Variants in OR4S2 observed in about 807,000 individuals in gnomAD.
The protein encoded by OR4S2 is olfactory receptor 4S2.
Under a neutral mutation model 15.1 loss-of-function variants are expected in OR4S2, and 16 were observed. The observed-to-expected ratio is 1.06, with a 90% CI of 0.72 to 1.61. The LOEUF (loss-of-function observed/expected upper bound fraction) is 1.61, where lower values mean the gene tolerates loss of function less well. OR4S2 is among the 40% of genes most tolerant of loss of function. OR4S2 has a pLI of 0.00. For synonymous variants in OR4S2, 133 were observed against 136.3 expected (o/e 0.98, Z 0.17); for missense variants, 362 against 379.6 (o/e 0.95, Z 0.38).
intron 1 of OR4S2, among the ~76,000 whole-genome samples, chr11:55,649,111 C>T (rs1190049356): frequency 7.3e-6 from 1 of 137,848 alleles, no homozygotes; most frequent in Non-Finnish European, 1.6e-5. Context: ...GAGAGCAAAG[C>T]AACATAAATA....
chr11:55,652,538 C>CA lies in OR4S2; in HGVS notation c.*701dup, dbSNP rs1215326923. ...TCAGTCTTTCAAAAGAATAAACCTC[C>CA]AATCTTTTGTGAAGTAATATAGAGG... On this transcript the variant is annotated 3_prime_UTR_variant, in exon 2 of 2. Coordinates refer to ENST00000641692, the MANE Select transcript of OR4S2 (RefSeq NM_001004059.3). 7.2e-6 allele frequency: 1 copy of CA among 138,996 alleles called. No homozygotes were observed. The highest frequency in any genetic ancestry group is 1.6e-5 in the Non-Finnish European group (1 of 62,486). The allele number at this position is 138,996 out of a possible 1,614,324, so 8.6% of individuals were successfully genotyped here.
In OR4S2 at chr11:55,651,032, C is replaced by G. The variant is rs199957583; in HGVS notation, c.129C>G (p.Ile43Met). Residue 43 changes from isoleucine (I) to methionine (M), a missense_variant, in exon 2 of 2, where the codon ATC becomes ATG. Transcript: ENST00000641692. ...TCATTCTTCTGGGAAATCTCCTCATCATGCTGACAGTTTGCCTGAGCAACC... is the reference window on the plus strand; with the variant it reads ...TCATTCTTCTGGGAAATCTCCTCATGATGCTGACAGTTTGCCTGAGCAACC... The part of the protein sequence containing the change: ...YIIILLGNLL[I>M]MLTVCLSNLF... The G allele has an allele frequency of 1.8e-4, 267 of 1,469,408 alleles. 53 individuals carry two copies. Among genetic ancestry groups the G allele is most frequent in the African/African-American group, 6.1e-4 (44 of 72,508 alleles). 91.0% of individuals were successfully genotyped at this position (1,469,408 alleles called of 1,614,324 possible). A position where few individuals can be genotyped will look rare whatever the true frequency, so the allele number is the denominator to read the frequency against.
At position 55,651,519 on chromosome 11, in the gene OR4S2, C is replaced by T; in HGVS notation, c.616C>T (p.Leu206=). The change falls in exon 2 of 2, where the codon CTG becomes TTG. Residue 206 remains leucine (L), a synonymous_variant. Transcript: ENST00000641692. The part of the protein sequence containing the change: ...VVTANSGTIA[L]GSFVILLISY... ...GACAGCCAACAGTGGTACCATTGCT[C>T]TGGGGAGTTTTGTTATCTTGCTAAT... 1 of 1,489,730 alleles carries T rather than the reference C, an allele frequency of 6.7e-7. No homozygotes were observed. The highest frequency in any genetic ancestry group is 1.2e-5 in the South Asian group (1 of 84,792). The allele number at this position is 1,489,730 out of a possible 1,614,324, so 92.3% of individuals were successfully genotyped here.
intron 1 of OR4S2, 90 bp from the exon 2 acceptor site, chr11:55,650,778 T>G (rs2120200754): frequency 3.7e-6 from 2 of 541,844 alleles, no homozygotes; most frequent in African/African-American, 1.9e-5. Flanking sequence ...CAATCAGCAT[T>G]TTTTCCTCTT....
rs777211314 is a variant in OR4S2, at chr11:55,650,930, A to G, written c.27A>G (p.Glu9=). MEKINNVT[E]FIFWGLSQSP... Reference sequence around the variant, plus strand: ...TGGAAAAAATAAACAACGTAACTGAATTCATTTTCTGGGGTCTTTCTCAGA... The same window carrying G: ...TGGAAAAAATAAACAACGTAACTGAGTTCATTTTCTGGGGTCTTTCTCAGA... The change falls in exon 2 of 2, where the codon GAA becomes GAG. Residue 9 remains glutamate (E), a synonymous_variant. Coordinates refer to ENST00000641692, the MANE Select transcript of OR4S2 (RefSeq NM_001004059.3). 1 of 1,439,770 alleles carries G rather than the reference A, an allele frequency of 6.9e-7. No homozygotes were observed. The highest frequency in any genetic ancestry group is 9.5e-7 in the Non-Finnish European group (1 of 1,052,044). The allele number at this position is 1,439,770 out of a possible 1,614,324, so 89.2% of individuals were successfully genotyped here.
chr11:55,651,862 G>A lies in OR4S2; in HGVS notation c.*23G>A, dbSNP rs747472469. ...TAGTTGGACTTAATAATTTAAGCTA[G>A]ATGACCTTAAAATTTCTCAGCCTTG... On this transcript the variant is annotated 3_prime_UTR_variant, in exon 2 of 2. Transcript: ENST00000641692. 6 of 1,174,630 alleles carry A rather than the reference G, an allele frequency of 5.1e-6. 1 individual carries two copies. Among genetic ancestry groups the A allele is most frequent in the East Asian group, 2.7e-5 (1 of 36,820 alleles). The allele number at this position is 1,174,630 out of a possible 1,614,324, so 72.8% of individuals were successfully genotyped here.
chr11:55,650,594 A>G lies in OR4S2; in HGVS notation c.-36-274A>G, dbSNP rs542288043. 2.2e-5 allele frequency among the ~76,000 whole-genome samples: 3 copies of G among 139,132 alleles called. 1 individual carries two copies. The highest frequency in any genetic ancestry group is 2.3e-4 in the South Asian group (1 of 4,276). 91.3% of individuals were successfully genotyped at this position (139,132 alleles called of 152,430 possible). On this transcript the variant is annotated intron_variant, in intron 1 of 1. Transcript: ENST00000641692. ...AAATAAAGTTTAGAAACAGCTAAAT[A>G]AACATTAATAAAAGGTGAGAGAAGA...
At chr11:55,648,904 A>T (rs1858530274) in intron 1 of OR4S2, among the ~76,000 whole-genome samples, 1 of 138,148 alleles carries the variant, frequency 7.2e-6, no homozygotes, top group Non-Finnish European at 1.6e-5. Context: ...GCCATGATTC[A>T]GAAGGTTAAC....
In OR4S2 at chr11:55,650,809, G is replaced by A. The variant is rs139342090; in HGVS notation, c.-36-59G>A. ...CTCTTTTGATCTACTGTGATTTTCC[G>A]TTGGTTCTGCGTTAGAAATAAAATA... On this transcript the variant is annotated intron_variant, in intron 1 of 1. Transcript: ENST00000641692. 74 of 621,334 alleles carry A rather than the reference G, an allele frequency of 1.2e-4. 17 individuals carry two copies. The highest frequency in any genetic ancestry group is 1.6e-4 in the East Asian group (5 of 31,386). 38.5% of individuals were successfully genotyped at this position (621,334 alleles called of 1,614,324 possible). A position where few individuals can be genotyped will look rare whatever the true frequency, so the allele number is the denominator to read the frequency against.
At chr11:55,650,495 A>G (rs1208388221) in intron 1 of OR4S2, among the ~76,000 whole-genome samples, 1 of 139,240 alleles carries the variant, frequency 7.2e-6, no homozygotes, top group Non-Finnish European at 1.6e-5. Flanking sequence ...TTGCCAGTAG[A>G]TAACATAGAT....
intron 1 of OR4S2, among the ~76,000 whole-genome samples, chr11:55,648,857 C>G (rs1228280103): frequency 7.3e-6 from 1 of 137,526 alleles, no homozygotes; most frequent in Non-Finnish European, 1.6e-5. Flanking sequence ...AGGAGAGAAA[C>G]AGCAAGATGT....
rs867060053 is a variant in OR4S2, at chr11:55,651,681, G to A, written c.778G>A (p.Asp260Asn). 6.7e-7 allele frequency: 1 copy of A among 1,490,944 alleles called. No homozygotes were observed. Among genetic ancestry groups the A allele is most frequent in the Non-Finnish European group, 9.1e-7 (1 of 1,095,906 alleles). 92.4% of individuals were successfully genotyped at this position (1,490,944 alleles called of 1,614,324 possible). ...CTGTACTTTTATGTACATGCGCCCT[G>A]ATACGACCTTTTCAGAGGATAAGAT... is the stretch of plus-strand genomic sequence containing the variant. ...GPCTFMYMRP[D>N]TTFSEDKMVA... Residue 260 changes from aspartate to asparagine, a missense_variant, in exon 2 of 2, where the codon GAT becomes AAT. Transcript: ENST00000641692.
rs368141107 is a variant in OR4S2, at chr11:55,651,253, C to T, written c.350C>T (p.Ala117Val). 8.2e-6 allele frequency: 12 copies of T among 1,471,560 alleles called. 1 individual carries two copies. The highest frequency in any genetic ancestry group is 1.1e-5 in the Non-Finnish European group (12 of 1,078,308). 91.2% of individuals were successfully genotyped at this position (1,471,560 alleles called of 1,614,324 possible). The change falls in exon 2 of 2, where the codon GCC becomes GTC. Residue 117 changes from alanine (A) to valine (V), a missense_variant. Ala to Val is a moderately conservative substitution (Grantham distance 64, BLOSUM62 0). Coordinates refer to ENST00000641692, the MANE Select transcript of OR4S2 (RefSeq NM_001004059.3). ...CTEIFILTVM[A>V]YDRYVAICKP... ...GAGATCTTCATCCTTACTGTAATGGCCTATGATCGTTATGTGGCTATCTGT... is the reference window on the plus strand; with the variant it reads ...GAGATCTTCATCCTTACTGTAATGGTCTATGATCGTTATGTGGCTATCTGT...
chr11:55,649,462 A>G (rs1250640192), intron 1 of OR4S2, among the ~76,000 whole-genome samples: 1 of 138,444 alleles, frequency 7.2e-6, no homozygotes, highest in Non-Finnish European at 1.6e-5. Context: ...AGGAGTTGTC[A>G]GCATTCAGCT....
At chr11:55,648,854 A>C (rs1273150345) in intron 1 of OR4S2, among the ~76,000 whole-genome samples, 3 of 137,924 alleles carry the variant, frequency 2.2e-5, no homozygotes, top group Non-Finnish European at 4.8e-5. Flanking sequence ...TTAAGGAGAG[A>C]AACAGCAAGA....
At chr11:55,649,596 A>G (rs1278279157) in intron 1 of OR4S2, among the ~76,000 whole-genome samples, 1 of 138,388 alleles carries the variant, frequency 7.2e-6, no homozygotes, top group African/African-American at 2.5e-5. Flanking sequence ...TATTACAGAT[A>G]CCCTTTTCCA....
At chr11:55,649,021 A>T (rs367689126) in intron 1 of OR4S2, among the ~76,000 whole-genome samples, 1 of 134,500 alleles carries the variant, frequency 7.4e-6, no homozygotes, top group Non-Finnish European at 1.7e-5. Flanking sequence ...GAAAAAAAAA[A>T]TTCCTCTAGA....
chr11:55,652,079 T>G lies in OR4S2; in HGVS notation c.*240T>G, dbSNP rs1359869491. The G allele has an allele frequency of 2.8e-5, 7 of 249,950 alleles. 1 individual carries two copies. The South Asian group carries it at 5.7e-4, about 20-fold the overall frequency. The allele number at this position is 249,950 out of a possible 1,614,324, so 15.5% of individuals were successfully genotyped here. A position where few individuals can be genotyped will look rare whatever the true frequency, so the allele number is the denominator to read the frequency against. On this transcript the variant is annotated 3_prime_UTR_variant, in exon 2 of 2. Transcript: ENST00000641692. The stretch of plus-strand genomic sequence containing the variant: ...ATTATTAAACTTAGAATCACAAAAG[T>G]GCAGAAGAGCAATTCCTCTTGGCTT...
Position 55,652,084 on chromosome 11 carries a change from A to T in OR4S2, c.*245A>T. On this transcript the variant is annotated 3_prime_UTR_variant, in exon 2 of 2. Transcript: ENST00000641692. The stretch of plus-strand genomic sequence containing the variant: ...TAAACTTAGAATCACAAAAGTGCAG[A>T]AGAGCAATTCCTCTTGGCTTTCCTT... 8.2e-6 allele frequency: 2 copies of T among 243,630 alleles called. 1 individual carries two copies. The highest frequency in any genetic ancestry group is 1.5e-5 in the Non-Finnish European group (2 of 130,364). 15.1% of individuals were successfully genotyped at this position (243,630 alleles called of 1,614,324 possible).
Sources: gnomAD v4.1 joint callset for allele counts (sites outside exome capture counted in the v4.1 genomes callset) on GRCh38, gnomAD v4.1.1 for gene constraint, MANE v1.5 for transcripts, NCBI Gene and HGNC (gene_info 2026-07-23, HGNC 2026-07-21) for gene names.